Variants in BRWD3 observed in about 807,000 individuals in gnomAD.
BRWD3 encodes the protein bromodomain and WD repeat-containing protein 3.
A neutral mutation model predicts 149.7 loss-of-function variants in BRWD3; 10 were observed. That is an observed-to-expected ratio of 0.07 (90% CI 0.04 to 0.11). The LOEUF (loss-of-function observed/expected upper bound fraction) is 0.11, where lower values mean the gene tolerates loss of function less well. Among genes scored for constraint, BRWD3 ranks in the 10% least tolerant of loss-of-function variants. The probability of loss-of-function intolerance (pLI) is 1.00; values close to 1 mark genes in which losing one functional copy is unlikely to be tolerated. For missense variants in BRWD3, 940 were observed against 1,373.2 expected, an observed-to-expected ratio of 0.68 and a Z score of 4.99; for synonymous variants, 504 against 456.7, an observed-to-expected ratio of 1.10 and a Z score of -1.32.
intron 6 of BRWD3, among the ~76,000 whole-genome samples, chrX:80,767,471 G>C (rs1191358530): frequency 1.8e-5 from 2 of 111,337 alleles, no homozygotes; most frequent in Non-Finnish European, 3.8e-5. Flanking sequence ...GGACCTAACT[G>C]TTAGAAGGAA....
intron 37 of BRWD3, among the ~76,000 whole-genome samples, chrX:80,682,918 C>T (rs1195240874): frequency 8.9e-6 from 1 of 111,762 alleles, no homozygotes; most frequent in Non-Finnish European, 1.9e-5. Flanking sequence ...TACAAAAAAA[C>T]CTTAAAGATA....
At chrX:80,745,267 G>T (rs1212446056) in intron 7 of BRWD3, among the ~76,000 whole-genome samples, 2 of 111,527 alleles carry the variant, frequency 1.8e-5, no homozygotes, top group African/African-American at 6.5e-5. Context: ...ATAAATGTTT[G>T]TTAAAACTGA....
At position 80,691,038 on chromosome X, in the gene BRWD3, TA is replaced by T. The variant is rs747652821; in HGVS notation, c.3602+14del. The T allele has an allele frequency of 3.3e-5, 39 of 1,180,138 alleles. No homozygotes were observed. The highest frequency in any genetic ancestry group is 2.8e-4 in the South Asian group (15 of 54,193). ...AGCTATAAATTTTATAATAAGTGAT[TA>T]AAAAAAAACAGACCTGTAAAAGCGA... On this transcript the variant is annotated intron_variant, in intron 31 of 40. Transcript: ENST00000373275.
At chrX:80,783,809 A>G (rs1239192195) in intron 6 of BRWD3, among the ~76,000 whole-genome samples, 1 of 111,816 alleles carries the variant, frequency 8.9e-6, no homozygotes, top group Non-Finnish European at 1.9e-5. Context: ...TATTAAGTGA[A>G]ATAAGCCAAG....
chrX:80,738,041 T>G (rs2147781068), intron 8 of BRWD3, among the ~76,000 whole-genome samples: 1 of 112,579 alleles, frequency 8.9e-6, no homozygotes, highest in African/African-American at 3.2e-5. Context: ...CCTAAATATT[T>G]ACTATCTGGC....
chrX:80,724,791 T>G, intron 15 of BRWD3, 142 bp downstream of exon 15: 19 of 693,607 alleles, frequency 2.7e-5, no homozygotes, highest in Non-Finnish European at 3.9e-5. Flanking sequence ...TCTCAATTCT[T>G]GAGTTATTCT....
At chrX:80,742,622 A>G (rs2073530912) in intron 8 of BRWD3, among the ~76,000 whole-genome samples, 1 of 109,805 alleles carries the variant, frequency 9.1e-6, no homozygotes, top group Non-Finnish European at 1.9e-5. Context: ...CATCCCTTGT[A>G]AGTTGGATTC....
chrX:80,809,752 GA>G lies in BRWD3; in HGVS notation c.-282del, dbSNP rs1289404437. 65 of 146,187 alleles carry G rather than the reference GA, an allele frequency of 4.4e-4. 1 individual carries two copies. The highest frequency in any genetic ancestry group is 1.4e-3 in the African/African-American group (26 of 18,800). The allele number at this position is 146,187 out of a possible 1,213,427, so 12.0% of individuals were successfully genotyped here. Reference sequence around the variant, plus strand: ...GAGAGAGAGAAGAGAGAGAGAGAGAGAGGAAAAAGAGAGAGAGAGAGAGAGA... The same window carrying G: ...GAGAGAGAGAAGAGAGAGAGAGAGAGGGAAAAAGAGAGAGAGAGAGAGAGA... On this transcript the variant is annotated 5_prime_UTR_variant, in exon 1 of 41. Coordinates refer to ENST00000373275, the MANE Select transcript of BRWD3 (RefSeq NM_153252.5).
intron 7 of BRWD3, 71 bp from the exon 8 acceptor site, chrX:80,744,324 C>CA (rs1225370986): frequency 1.3e-6 from 1 of 791,843 alleles, no homozygotes; most frequent in African/African-American, 2.1e-5. Context: ...AAAAAATAGC[C>CA]AAAAAGAAGA....
intron 40 of BRWD3, among the ~76,000 whole-genome samples, chrX:80,678,808 T>A (rs2072404925): frequency 1.8e-5 from 2 of 111,671 alleles, no homozygotes; most frequent in Admixed American, 1.9e-4. Context: ...CTGGGTGTTA[T>A]GGACTGAATT....
rs2073680836 is a variant in BRWD3 at position 80,752,390 on chromosome X, G to T, written c.431-6661C>A. 4.5e-5 allele frequency among the ~76,000 whole-genome samples: 5 copies of T among 111,291 alleles called. No homozygotes were observed. In the Middle Eastern group the frequency reaches 0.019, roughly 412 times the overall value. ...AGTGCAAGTATCTTTTTGATATAAT[G>T]ATTTATTTTCCTCTGGGGTATATAC... On this transcript the variant is annotated intron_variant, in intron 6 of 40. Coordinates refer to ENST00000373275, the MANE Select transcript of BRWD3 (RefSeq NM_153252.5).
At chrX:80,764,473 T>C (rs1028325200) in intron 6 of BRWD3, among the ~76,000 whole-genome samples, 1 of 87,103 alleles carries the variant, frequency 1.1e-5, no homozygotes, top group African/African-American at 6.3e-5. Context: ...GCCTGGATAA[T>C]TTTTTTTTTT....
intron 22 of BRWD3, among the ~76,000 whole-genome samples, 198 bp from the exon 23 acceptor site, chrX:80,705,044 G>A (rs937946728): frequency 4.5e-5 from 5 of 111,492 alleles, no homozygotes; most frequent in African/African-American, 1.6e-4. Context: ...AAGATGGGCA[G>A]ATCACAAGAT....
chrX:80,705,792 G>GT (rs1569253183), intron 22 of BRWD3, among the ~76,000 whole-genome samples: 3 of 111,521 alleles, frequency 2.7e-5, no homozygotes. Flanking sequence ...AAAATATGAC[G>GT]TAAAAGATTT....
chrX:80,691,268 T>A (rs2072607680), intron 30 of BRWD3, 95 bp from the exon 31 acceptor site: 2 of 908,318 alleles, frequency 2.2e-6, no homozygotes, highest in Non-Finnish European at 3.1e-6. Flanking sequence ...GAAGGGAGGG[T>A]GATATACTAC....
intron 9 of BRWD3, 80 bp from the exon 10 acceptor site, chrX:80,735,277 G>A: frequency 2.7e-6 from 2 of 747,850 alleles, no homozygotes; most frequent in Non-Finnish European, 4.2e-6. Context: ...ACTGGATACT[G>A]ATCAATTTAG....
rs377232343 is a variant in BRWD3, at chrX:80,688,124, T to C, written c.3809A>G (p.Asp1270Gly). ...TGAATCTAAATCAACAATTTCTGTA[T>C]CCTTAATTAAAAAGGAAGAGTGGGA... ...EERNSTDAEE[D>G]TEIVDLDSDG... The change falls in exon 34 of 41, where the codon GAT (aspartate) becomes GGT (glycine). Residue 1270 changes from aspartate to glycine, a missense_variant and splice_region_variant. Transcript: ENST00000373275. The C allele has an allele frequency of 1.7e-6, 2 of 1,195,335 alleles. No homozygotes were observed. The highest frequency in any genetic ancestry group is 2.3e-6 in the Non-Finnish European group (2 of 880,936).
intron 6 of BRWD3, among the ~76,000 whole-genome samples, chrX:80,767,340 A>G (rs1417097361): frequency 8.9e-6 from 1 of 111,752 alleles, no homozygotes; most frequent in Non-Finnish European, 1.9e-5. Context: ...CCTCTGGGAC[A>G]AAGCTTCTAG....
chrX:80,761,166 TAC>T (rs745569682), intron 6 of BRWD3, among the ~76,000 whole-genome samples: 100 of 112,112 alleles, frequency 8.9e-4, no homozygotes, highest in South Asian at 1.9e-3. Context: ...AAGAAATTAT[TAC>T]AGAGTGGTTA....
Sources: gnomAD v4.1 joint callset for allele counts (sites outside exome capture counted in the v4.1 genomes callset) on GRCh38, gnomAD v4.1.1 for gene constraint, MANE v1.5 for transcripts, NCBI Gene and HGNC (gene_info 2026-07-23, HGNC 2026-07-21) for gene names.